Variants in RANBP2 observed in about 807,000 individuals in gnomAD.
RANBP2 encodes the protein E3 SUMO-protein ligase RanBP2.
In RANBP2, 57 loss-of-function variants were observed where a neutral mutation model predicts 303.6. The observed-to-expected ratio is 0.19, with a 90% CI of 0.15 to 0.23. RANBP2 has a LOEUF of 0.23. RANBP2 is among the 10% of genes least tolerant of loss of function. The pLI is 1.00. For missense variants in RANBP2, 3,138 were observed against 3,780.8 expected (o/e 0.83, Z 4.46); for synonymous variants, 1,167 against 1,301.5 (o/e 0.90, Z 2.23).
chr2:109,383,656 A>G, the RANBP2 span, among the ~76,000 whole-genome samples: 4 of 152,136 alleles, frequency 2.6e-5, no homozygotes, highest in Non-Finnish European at 5.9e-5. Context: ...TGTGATGCAG[A>G]ATGAGAAACA....
chr2:109,171,996 G>T, the RANBP2 span, among the ~76,000 whole-genome samples: 1 of 152,234 alleles, frequency 6.6e-6, no homozygotes, highest in Non-Finnish European at 1.5e-5. Context: ...TGAGTCGCCC[G>T]TTTCCCAATA....
At chr2:109,336,847 C>T in the RANBP2 span, among the ~76,000 whole-genome samples, 2 of 151,926 alleles carry the variant, frequency 1.3e-5, no homozygotes, top group Non-Finnish European at 2.9e-5. Flanking sequence ...CTGCTCCAAC[C>T]GTATCCGTCA....
chr2:109,493,326 A>G, the RANBP2 span, among the ~76,000 whole-genome samples: 1 of 146,796 alleles, frequency 6.8e-6, no homozygotes, highest in African/African-American at 2.5e-5. Context: ...CGTACACCAT[A>G]CAAACACACC....
chr2:109,235,310 C>CT, the RANBP2 span, among the ~76,000 whole-genome samples: 1 of 152,194 alleles, frequency 6.6e-6, no homozygotes, highest in Non-Finnish European at 1.5e-5. Context: ...TCCCCTCCCC[C>CT]TTCCTACCTC....
At chr2:109,187,720 CTTGT>C in the RANBP2 span, among the ~76,000 whole-genome samples, 1 of 152,156 alleles carries the variant, frequency 6.6e-6, no homozygotes, top group Non-Finnish European at 1.5e-5. Flanking sequence ...ATATATTCTC[CTTGT>C]TAAGTGGTGC....
chr2:108,831,494 T>C, the RANBP2 span, among the ~76,000 whole-genome samples: 1 of 152,142 alleles, frequency 6.6e-6, no homozygotes, highest in South Asian at 2.1e-4. Flanking sequence ...GATAAAGATA[T>C]AAATGAAGTG....
intron 20 of RANBP2, among the ~76,000 whole-genome samples, chr2:108,770,504 C>T (rs981935107): frequency 3.9e-5 from 6 of 152,072 alleles, no homozygotes; most frequent in Non-Finnish European, 8.8e-5. Context: ...GCCTATAATC[C>T]CAGTTACTTG....
the RANBP2 span, among the ~76,000 whole-genome samples, chr2:109,249,543 C>CTT: frequency 9.1e-6 from 1 of 110,310 alleles, no homozygotes; most frequent in Admixed American, 9.1e-5. Flanking sequence ...TTCCTTCCTT[C>CTT]CTTCCTTCCT....
chr2:109,006,903 A>G, the RANBP2 span, among the ~76,000 whole-genome samples: 1 of 152,240 alleles, frequency 6.6e-6, no homozygotes, highest in Admixed American at 6.5e-5. Flanking sequence ...AGTGAAAAAT[A>G]CATTTTTAAA....
chr2:109,364,421 G>T, the RANBP2 span, among the ~76,000 whole-genome samples: 1 of 152,194 alleles, frequency 6.6e-6, no homozygotes, highest in Non-Finnish European at 1.5e-5. Flanking sequence ...AATCATAGTT[G>T]TTTTGTATCC....
the RANBP2 span, among the ~76,000 whole-genome samples, chr2:108,879,119 C>T: frequency 1.3e-5 from 2 of 152,104 alleles, no homozygotes; most frequent in Non-Finnish European, 2.9e-5. Flanking sequence ...ACTAGCAAAC[C>T]GTTGCAGTCT....
the RANBP2 span, among the ~76,000 whole-genome samples, chr2:109,213,898 C>T: frequency 6.6e-5 from 10 of 152,254 alleles, no homozygotes; most frequent in South Asian, 6.2e-4. Flanking sequence ...CAAAGCCTCC[C>T]GGGACACTGG....
chr2:109,174,175 C>T, the RANBP2 span, among the ~76,000 whole-genome samples: 1 of 152,202 alleles, frequency 6.6e-6, no homozygotes, highest in Non-Finnish European at 1.5e-5. Context: ...TTGTGGAGTT[C>T]ATGAAGGTAG....
the RANBP2 span, among the ~76,000 whole-genome samples, chr2:108,796,373 T>C: frequency 6.6e-6 from 1 of 152,166 alleles, no homozygotes; most frequent in Non-Finnish European, 1.5e-5. Context: ...TATAGTTTAA[T>C]CTGACTTTAA....
the RANBP2 span, among the ~76,000 whole-genome samples, chr2:108,983,752 C>T: frequency 6.6e-6 from 1 of 152,250 alleles, no homozygotes; most frequent in Admixed American, 6.5e-5. Flanking sequence ...TTCTCTCCAA[C>T]TCCAAAGGCC....
At chr2:109,508,958 G>A in the RANBP2 span, among the ~76,000 whole-genome samples, 1 of 152,214 alleles carries the variant, frequency 6.6e-6, no homozygotes, top group Admixed American at 6.5e-5. Context: ...GGGTCCCAGA[G>A]CGCTTCCTCT....
At chr2:108,894,709 T>TAA in the RANBP2 span, 1 of 152,332 alleles carries the variant, frequency 6.6e-6, no homozygotes, top group Non-Finnish European at 1.5e-5. Context: ...CTGAATCCCA[T>TAA]AACATAGGCT....
the RANBP2 span, among the ~76,000 whole-genome samples, chr2:109,409,681 C>T: frequency 4.6e-5 from 7 of 152,158 alleles, no homozygotes; most frequent in East Asian, 1.9e-4. Flanking sequence ...TGGGGCTCCC[C>T]GGCCACTGCC....
the RANBP2 span, among the ~76,000 whole-genome samples, chr2:109,439,743 G>T: frequency 6.6e-6 from 1 of 152,042 alleles, no homozygotes; most frequent in Non-Finnish European, 1.5e-5. Flanking sequence ...AAAAAGCACC[G>T]AGAAGGAGCT....
Sources: gnomAD v4.1 joint callset for allele counts (sites outside exome capture counted in the v4.1 genomes callset) on GRCh38, gnomAD v4.1.1 for gene constraint, MANE v1.5 for transcripts, NCBI Gene and HGNC (gene_info 2026-07-23, HGNC 2026-07-21) for gene names.